PRCP: variants seen among roughly 807,000 people sequenced by gnomAD.
PRCP encodes lysosomal Pro-X carboxypeptidase.
PRCP carries 46 observed loss-of-function variants against 54.2 expected under a neutral mutation model. That is an observed-to-expected ratio of 0.85 (90% CI 0.67 to 1.09). The LOEUF (loss-of-function observed/expected upper bound fraction) is 1.09, where lower values mean the gene tolerates loss of function less well. Among genes scored for constraint, PRCP ranks in the 50% least tolerant of loss-of-function variants. PRCP has a pLI of 0.00. For synonymous variants in PRCP, 240 were observed against 212.2 expected, an observed-to-expected ratio of 1.13 and a Z score of -1.14; for missense variants, 613 against 596.8, an observed-to-expected ratio of 1.03 and a Z score of -0.28.
chr11:82,874,690 CAAAAAAA>C lies in PRCP; in HGVS notation c.169-14580_169-14574del, dbSNP rs36084037. ...TGGGCAACAAAGTGAGACCCTGTCTCAAAAAAAAAAAAAAAAAAAGAAAAAAAAGAAA... is the reference window on the plus strand; with the variant it reads ...TGGGCAACAAAGTGAGACCCTGTCTCAAAAAAAAAAAAGAAAAAAAAGAAA... On this transcript the variant is annotated intron_variant, in intron 1 of 8. Coordinates refer to ENST00000313010, the MANE Select transcript of PRCP (RefSeq NM_005040.4). Among the ~76,000 whole-genome samples the C allele has an allele frequency of 4.2e-3, 287 of 68,846 alleles. 1 individual carries two copies. The highest frequency in any genetic ancestry group is 0.03 in the Middle Eastern group (4 of 132). 45.2% of individuals were successfully genotyped at this position (68,846 alleles called of 152,430 possible).
At position 82,837,778 on chromosome 11, in the gene PRCP, T is replaced by C. The variant is rs557065232; in HGVS notation, c.1274+609A>G. ...TGTGAACCAGTGGCAACTGTGTGAC[T>C]TCTTAAGGAACAGTGTAATGTAGAA... On this transcript the variant is annotated intron_variant, in intron 8 of 8. Coordinates refer to ENST00000313010, the MANE Select transcript of PRCP (RefSeq NM_005040.4). Among the ~76,000 whole-genome samples, 352 of 152,340 alleles carry C rather than the reference T, an allele frequency of 2.3e-3. 2 individuals are homozygous for C. Among genetic ancestry groups the C allele is most frequent in the Non-Finnish European group, 3.8e-3 (261 of 68,036 alleles).
chr11:82,894,830 C>T (rs1860081860), intron 1 of PRCP, among the ~76,000 whole-genome samples: 1 of 152,188 alleles, frequency 6.6e-6, no homozygotes, highest in Non-Finnish European at 1.5e-5. Context: ...GAAGAAGGTA[C>T]TTCCAAAAAC....
upstream of PRCP, chr11:82,900,476 G>A: frequency 1.3e-6 from 2 of 1,512,080 alleles, no homozygotes; most frequent in Non-Finnish European, 1.8e-6. Flanking sequence ...GCTAAGCCCT[G>A]CCCAGCCTGC....
At chr11:82,839,210 A>T (rs1160436589) in intron 7 of PRCP, 51 bp downstream of exon 7, 2 of 1,570,904 alleles carry the variant, frequency 1.3e-6, no homozygotes, top group Non-Finnish European at 8.7e-7. Flanking sequence ...TTTACAGCAC[A>T]ACTGTGTCAG....
chr11:82,841,669 T>C (rs1357040348), intron 6 of PRCP, among the ~76,000 whole-genome samples: 1 of 152,184 alleles, frequency 6.6e-6, no homozygotes, highest in African/African-American at 2.4e-5. Flanking sequence ...ATACCAGGGT[T>C]TAGGATGTAC....
chr11:82,887,635 T>A (rs556937267), intron 1 of PRCP, among the ~76,000 whole-genome samples: 30 of 152,166 alleles, frequency 2.0e-4, no homozygotes, highest in Non-Finnish European at 4.4e-4. Context: ...CCCTCTTCTG[T>A]CTTTCTCTCT....
chr11:82,873,066 G>GGTTT (rs531787463), intron 1 of PRCP, among the ~76,000 whole-genome samples: 14 of 119,038 alleles, frequency 1.2e-4, no homozygotes, highest in Non-Finnish European at 1.9e-4. Flanking sequence ...ATTCTGATCT[G>GGTTT]TTTTTTTTTT....
chr11:82,863,471 A>T (rs561962871), intron 1 of PRCP, among the ~76,000 whole-genome samples: 15 of 152,196 alleles, frequency 9.9e-5, no homozygotes, highest in Non-Finnish European at 2.1e-4. Flanking sequence ...ACTGTGTTGG[A>T]CTTAAAGAAA....
At chr11:82,897,911 G>T (rs1860155051) in intron 1 of PRCP, among the ~76,000 whole-genome samples, 1 of 152,096 alleles carries the variant, frequency 6.6e-6, no homozygotes, top group African/African-American at 2.4e-5. Flanking sequence ...ATAACCACAG[G>T]TAAATCATTA....
At chr11:82,900,930 G>A (rs796819874), upstream of PRCP, 1 of 449,760 alleles carries the variant, frequency 2.2e-6, no homozygotes, top group Admixed American at 2.4e-5. Flanking sequence ...GAGGCAGGGA[G>A]GCACACGCAT....
At chr11:82,887,318 G>C (rs1029552761) in intron 1 of PRCP, among the ~76,000 whole-genome samples, 1 of 152,164 alleles carries the variant, frequency 6.6e-6, no homozygotes, top group Non-Finnish European at 1.5e-5. Context: ...TAAGCTGCAT[G>C]AGGCCTATGT....
At chr11:82,867,104 T>C (rs931160029) in intron 1 of PRCP, among the ~76,000 whole-genome samples, 1 of 152,244 alleles carries the variant, frequency 6.6e-6, no homozygotes, top group Admixed American at 6.5e-5. Flanking sequence ...CCCTTCTTAA[T>C]GTTAAAATTA....
At position 82,831,880 on chromosome 11, in the gene PRCP, C is replaced by G. The variant is rs143418863; in HGVS notation, c.1274+6507G>C. 1.4e-3 allele frequency among the ~76,000 whole-genome samples: 217 copies of G among 152,216 alleles called. 1 individual carries two copies. The highest frequency in any genetic ancestry group is 4.6e-3 in the African/African-American group (191 of 41,524). ...TGCTATCCCTCCCCAACCCTCACCC[C>G]CCGACAGGCCCCAGTGTGTTATGTT... On this transcript the variant is annotated intron_variant, in intron 8 of 8. Coordinates refer to ENST00000313010, the MANE Select transcript of PRCP (RefSeq NM_005040.4).
intron 1 of PRCP, among the ~76,000 whole-genome samples, chr11:82,884,041 A>G (rs1016878107): frequency 6.6e-6 from 1 of 152,208 alleles, no homozygotes; most frequent in African/African-American, 2.4e-5. Flanking sequence ...GAAGAGGCAG[A>G]GATTTCCGAC....
At chr11:82,886,471 A>G (rs1258251707) in intron 1 of PRCP, among the ~76,000 whole-genome samples, 2 of 152,068 alleles carry the variant, frequency 1.3e-5, no homozygotes, top group Non-Finnish European at 2.9e-5. Flanking sequence ...TTTTTTAAAG[A>G]CAGGGTCTTG....
At chr11:82,900,976 G>A, upstream of PRCP, 1 of 415,174 alleles carries the variant, frequency 2.4e-6, no homozygotes, top group South Asian at 1.8e-5. Flanking sequence ...GCAATCTTGT[G>A]CGTCGTATAT....
At chr11:82,876,967 T>C (rs562117245) in intron 1 of PRCP, among the ~76,000 whole-genome samples, 5 of 152,300 alleles carry the variant, frequency 3.3e-5, no homozygotes, top group Non-Finnish European at 5.9e-5. Flanking sequence ...AGAGACTTGT[T>C]GAATGGCTTT....
rs1188325946 is a variant in PRCP, at chr11:82,850,815, A to T, written c.412-310T>A. 2.0e-5 allele frequency among the ~76,000 whole-genome samples: 3 copies of T among 152,356 alleles called. No homozygotes were observed. The East Asian group carries it at 5.8e-4, about 29-fold the overall frequency. On this transcript the variant is annotated intron_variant, in intron 3 of 8. Coordinates refer to ENST00000313010, the MANE Select transcript of PRCP (RefSeq NM_005040.4). ...AAACTAAGCTTAATAGATAACTGTT[A>T]TAACTTTTGTTTTAAATCTTGGCAC...
intron 6 of PRCP, among the ~76,000 whole-genome samples, chr11:82,841,058 A>ATATATATATATAAAAATAATAT (rs1178732590): frequency 6.7e-6 from 1 of 149,632 alleles, no homozygotes; most frequent in African/African-American, 2.5e-5. Flanking sequence ...TATATAATAG[A>ATATATATATATAAAAATAATAT]CTAGTCCTGA....
Sources: allele counts gnomAD v4.1 joint callset (sites outside exome capture counted in the v4.1 genomes callset), GRCh38; gene constraint gnomAD v4.1.1; transcripts MANE v1.5; gene names NCBI Gene and HGNC (gene_info 2026-07-23, HGNC 2026-07-21).